The following FRMD6 variants were observed in gnomAD, a reference collection of about 807,000 sequenced individuals.
FRMD6 encodes FERM domain-containing protein 6.
In FRMD6, 37 loss-of-function variants were observed where a neutral mutation model predicts 73.2. The ratio of observed to expected loss-of-function variants is 0.51; its 90% CI spans 0.39 to 0.66. The LOEUF (loss-of-function observed/expected upper bound fraction) is 0.66. FRMD6 is among the 30% of genes least tolerant of loss of function. The pLI is 0.00. For synonymous variants in FRMD6, 273 were observed against 282.2 expected, an observed-to-expected ratio of 0.97 and a Z score of 0.33; for missense variants, 714 against 780.5, an observed-to-expected ratio of 0.91 and a Z score of 1.02.
At chr14:51,484,794 T>A (rs1882731178), upstream of FRMD6, among the ~76,000 whole-genome samples, 1 of 152,224 alleles carries the variant, frequency 6.6e-6, no homozygotes, top group Non-Finnish European at 1.5e-5. Flanking sequence ...CAGTTTCTCA[T>A]ATTCACATCT....
intron 12 of FRMD6, among the ~76,000 whole-genome samples, chr14:51,723,698 C>G (rs888839903): frequency 2.0e-5 from 3 of 151,294 alleles, no homozygotes; most frequent in African/African-American, 7.3e-5. Context: ...TCGCTTGAAC[C>G]CAGGAGGCAG....
chr14:51,600,791 T>G (rs2139803272), intron 2 of FRMD6, among the ~76,000 whole-genome samples: 1 of 152,376 alleles, frequency 6.6e-6, no homozygotes, highest in East Asian at 1.9e-4. Context: ...GCAATTTGCC[T>G]TTCTCTGAAC....
At chr14:51,549,025 T>C (rs886352669) in intron 1 of FRMD6, among the ~76,000 whole-genome samples, 11 of 152,232 alleles carry the variant, frequency 7.2e-5, no homozygotes, top group African/African-American at 2.7e-4. Flanking sequence ...TCATTCTGTC[T>C]AGAAGGCATT....
the FRMD6 span, among the ~76,000 whole-genome samples, chr14:51,408,316 C>A: frequency 0.01 from 1,554 of 152,220 alleles, 45 homozygotes; most frequent in East Asian, 0.09. Context: ...TGCGCCACCA[C>A]ACCTGGCTAA....
intron 2 of FRMD6, among the ~76,000 whole-genome samples, chr14:51,637,177 C>T (rs573319472): frequency 2.0e-5 from 3 of 152,178 alleles, no homozygotes; most frequent in East Asian, 1.9e-4. Flanking sequence ...AGTTGTAATC[C>T]TGCCACTGCA....
intron 1 of FRMD6, among the ~76,000 whole-genome samples, chr14:51,682,520 A>G (rs1398862080): frequency 6.6e-6 from 1 of 152,228 alleles, no homozygotes; most frequent in African/African-American, 2.4e-5. Context: ...CAGAATTAAC[A>G]TAATTAGCTT....
chr14:51,440,710 G>C, the FRMD6 span, among the ~76,000 whole-genome samples: 3 of 152,288 alleles, frequency 2.0e-5, no homozygotes, highest in Non-Finnish European at 4.4e-5. Context: ...GAAGAGGAGA[G>C]AGAGAGAGAG....
intron 1 of FRMD6, among the ~76,000 whole-genome samples, chr14:51,491,930 C>T (rs1395829033): frequency 6.6e-6 from 1 of 152,200 alleles, no homozygotes; most frequent in Non-Finnish European, 1.5e-5. Context: ...CCTCTGCTGC[C>T]TGTGAGTTGT....
At chr14:51,432,714 C>G in the FRMD6 span, among the ~76,000 whole-genome samples, 1 of 152,268 alleles carries the variant, frequency 6.6e-6, no homozygotes, top group Non-Finnish European at 1.5e-5. Flanking sequence ...GTTAAGACAC[C>G]AACCAAACTG....
intron 1 of FRMD6, among the ~76,000 whole-genome samples, chr14:51,674,145 A>G (rs953415509): frequency 1.9e-4 from 29 of 152,302 alleles, no homozygotes; most frequent in African/African-American, 6.5e-4. Flanking sequence ...TAAAAATCCA[A>G]TGGATTTACA....
intron 2 of FRMD6, among the ~76,000 whole-genome samples, chr14:51,630,021 TCTC>T (rs1441530270): frequency 6.6e-6 from 1 of 152,072 alleles, no homozygotes; most frequent in Non-Finnish European, 1.5e-5. Flanking sequence ...AGCTCAAACT[TCTC>T]CTCTGCTCCA....
chr14:51,563,765 A>T (rs1887620779), intron 1 of FRMD6, among the ~76,000 whole-genome samples: 1 of 152,270 alleles, frequency 6.6e-6, no homozygotes, highest in Non-Finnish European at 1.5e-5. Flanking sequence ...GAAAGTATAC[A>T]GAAGGTCTAT....
the FRMD6 span, among the ~76,000 whole-genome samples, chr14:51,418,223 G>A: frequency 2.0e-5 from 3 of 152,168 alleles, no homozygotes; most frequent in South Asian, 6.2e-4. Context: ...TCCTTTGGAG[G>A]AGAAGAGGCT....
rs181924289 is a variant in FRMD6 at position 51,518,498 on chromosome 14, C to G, written c.-210+29078C>G. 2.0e-5 allele frequency among the ~76,000 whole-genome samples: 3 copies of G among 152,258 alleles called. No homozygotes were observed. In the East Asian group the frequency reaches 5.8e-4, roughly 29 times the overall value. On this transcript the variant is annotated intron_variant, in intron 1 of 14. Coordinates refer to the FRMD6 transcript ENST00000356218. ...GTGGGGATAAGTGTACTAATGTTCC[C>G]TGTAACTTTCTCCCAGGGGTGTTAT... is the stretch of plus-strand genomic sequence containing the variant.
chr14:51,453,795 G>T, the FRMD6 span, among the ~76,000 whole-genome samples: 1 of 152,158 alleles, frequency 6.6e-6, no homozygotes, highest in Non-Finnish European at 1.5e-5. Context: ...TTTAGACACA[G>T]TTAGGCTTGT....
rs1339271941 is a variant in FRMD6, at chr14:51,628,879, T to TTC, written c.-147+58470_-147+58471insCT. Among the ~76,000 whole-genome samples, 834 of 131,120 alleles carry TTC rather than the reference T, an allele frequency of 6.4e-3. 2 individuals carry two copies. Among genetic ancestry groups the TTC allele is most frequent in the Non-Finnish European group, 0.01 (642 of 62,070 alleles). 86.0% of individuals were successfully genotyped at this position (131,120 alleles called of 152,430 possible). On this transcript the variant is annotated intron_variant, in intron 2 of 14. Transcript: ENST00000356218. ...CATCTACCTTTTTCTTTTCTTTTCT[T>TTC]TTTTTTTTTTTTTTTGAGACGGAGT...
chr14:51,427,220 T>C, the FRMD6 span, among the ~76,000 whole-genome samples: 1 of 152,206 alleles, frequency 6.6e-6, no homozygotes, highest in Non-Finnish European at 1.5e-5. Context: ...CTAGAGCACA[T>C]TTTCCTCAAA....
chr14:51,604,963 G>T (rs951919170), intron 2 of FRMD6, among the ~76,000 whole-genome samples: 1 of 152,082 alleles, frequency 6.6e-6, no homozygotes, highest in Non-Finnish European at 1.5e-5. Context: ...TCGTTGAAGT[G>T]TAATGGCCTA....
intron 2 of FRMD6, among the ~76,000 whole-genome samples, chr14:51,588,840 A>T (rs1889208725): frequency 6.6e-6 from 1 of 152,204 alleles, no homozygotes; most frequent in Non-Finnish European, 1.5e-5. Flanking sequence ...GGACAAAGGA[A>T]ACTCAAAGTC....
Sources: allele counts gnomAD v4.1 joint callset (sites outside exome capture counted in the v4.1 genomes callset), GRCh38; gene constraint gnomAD v4.1.1; transcripts MANE v1.5; gene names NCBI Gene and HGNC (gene_info 2026-07-23, HGNC 2026-07-21).